Variants in ZSWIM4 observed in about 807,000 individuals in gnomAD.
The protein encoded by ZSWIM4 is zinc finger SWIM-type containing 4.
In ZSWIM4, 62 loss-of-function variants were observed where a neutral mutation model predicts 102.5. The ratio of observed to expected loss-of-function variants is 0.60; its 90% CI spans 0.49 to 0.75. The LOEUF (loss-of-function observed/expected upper bound fraction) is 0.75, where lower values mean the gene tolerates loss of function less well. Ranked by LOEUF, ZSWIM4 falls within the 30% of genes least tolerant of loss-of-function variation. ZSWIM4 has a pLI of 0.00. For missense variants in ZSWIM4, 1,280 were observed against 1,529.6 expected, an observed-to-expected ratio of 0.84 and a Z score of 2.72; for synonymous variants, 652 against 674.5, an observed-to-expected ratio of 0.97 and a Z score of 0.52.
chr19:13,828,313 G>A (rs1975665348), intron 12 of ZSWIM4, among the ~76,000 whole-genome samples: 1 of 152,132 alleles, frequency 6.6e-6, no homozygotes, highest in African/African-American at 2.4e-5. Context: ...GGAGCCTGAG[G>A]CAGGAGAATG....
rs12610873 is a variant in ZSWIM4, at chr19:13,831,773, G to C, written c.*723G>C. 6.6e-6 allele frequency: 1 copy of C among 152,208 alleles called. No individual in the cohort carries two copies. Among genetic ancestry groups the C allele is most frequent in the South Asian group, 2.1e-4 (1 of 4,816 alleles). The allele number at this position is 152,208 out of a possible 1,614,324, so 9.4% of individuals were successfully genotyped here. A position where few individuals can be genotyped will look rare whatever the true frequency, so the allele number is the denominator to read the frequency against. On this transcript the variant is annotated 3_prime_UTR_variant, in exon 14 of 14. Transcript: ENST00000590508. ...ACCTGGGGTTGGGGGACACAGACGC[G>C]AGAGAGCCGGAGACCCCCACCCCCG...
At position 13,809,338 on chromosome 19, in the gene ZSWIM4, T is replaced by A. The variant is rs145340167; in HGVS notation, c.1012+118T>A. ...CGCCCTCCATTCGTTTGGCAAACAT[T>A]TATGAGCGCCTCTAAAGTGCCAGGC... On this transcript the variant is annotated intron_variant, in intron 5 of 13. Coordinates refer to ENST00000590508, the MANE Select transcript of ZSWIM4 (RefSeq NM_001367834.3). This position sits in a 1 kb window ranked among gnomAD's most constrained non-coding sequence, Gnocchi z 4.2. The A allele has an allele frequency of 5.2e-3, 7,097 of 1,366,530 alleles. 29 individuals carry two copies. Among genetic ancestry groups the A allele is most frequent in the Middle Eastern group, 0.021 (79 of 3,794 alleles). 84.7% of individuals were successfully genotyped at this position (1,366,530 alleles called of 1,614,324 possible).
intron 7 of ZSWIM4, among the ~76,000 whole-genome samples, chr19:13,816,438 A>C (rs1211681383): frequency 6.6e-6 from 1 of 152,102 alleles, no homozygotes; most frequent in African/African-American, 2.4e-5. Context: ...AGCCTGGCCA[A>C]CATAGTGAAA....
At position 13,823,384 on chromosome 19, in the gene ZSWIM4, C is replaced by T. The variant is rs748366760; in HGVS notation, c.2099C>T (p.Pro700Leu). ...ILETAFPAGE[P>L]HPSPLDSIMS... is the part of the protein sequence containing the mutation. ...GAGACAGCATTTCCTGCTGGAGAAC[C>T]TCATCCCAGCCCGCTGGACTCCATC... The change falls in exon 11 of 14, where the codon CCT (proline) becomes CTT (leucine). Residue 700 changes from proline (P) to leucine (L), a missense_variant. Pro to Leu is a moderately conservative substitution (Grantham distance 98). Coordinates refer to ENST00000590508, the MANE Select transcript of ZSWIM4 (RefSeq NM_001367834.3). The T allele has an allele frequency of 5.0e-6, 8 of 1,613,924 alleles. No homozygotes were observed. The highest frequency in any genetic ancestry group is 1.3e-5 in the African/African-American group (1 of 74,930).
intron 7 of ZSWIM4, among the ~76,000 whole-genome samples, chr19:13,816,036 G>C (rs1408886644): frequency 1.3e-5 from 2 of 150,040 alleles, no homozygotes; most frequent in Non-Finnish European, 3.0e-5. Context: ...GAGAGAGATG[G>C]GGGGAGAGAG....
chr19:13,814,810 C>T lies in ZSWIM4; in HGVS notation c.1476C>T (p.Asn492=). ...QALRLASAII[N]TLRLQQRHQL... ...TGCGGCTGGCAAGTGCCATCATCAA[C>T]ACACTCCGGCTGCAGCAGCGGCATC... The change falls in exon 7 of 14, where the codon AAC becomes AAT. Residue 492 remains asparagine (N), a synonymous_variant. Transcript: ENST00000590508. 7.8e-7 allele frequency: 1 copy of T among 1,278,352 alleles called. No individual in the cohort carries two copies. The highest frequency in any genetic ancestry group is 1.5e-5 in the African/African-American group (1 of 65,734). 79.2% of individuals were successfully genotyped at this position (1,278,352 alleles called of 1,614,324 possible).
At chr19:13,810,735 G>A (rs1019736416) in intron 5 of ZSWIM4, among the ~76,000 whole-genome samples, 4 of 151,106 alleles carry the variant, frequency 2.6e-5, no homozygotes, top group Admixed American at 6.6e-5. Flanking sequence ...TCAGCCTCCC[G>A]AGTAGCTGGG....
intron 2 of ZSWIM4, among the ~76,000 whole-genome samples, chr19:13,804,398 A>T (rs1974855103): frequency 6.6e-6 from 1 of 151,534 alleles, no homozygotes; most frequent in Admixed American, 6.6e-5. Context: ...TGAACCTGGG[A>T]GGTGGAGGTT....
chr19:13,798,907 G>C (rs1314920161), intron 1 of ZSWIM4, among the ~76,000 whole-genome samples: 2 of 152,146 alleles, frequency 1.3e-5, no homozygotes, highest in African/African-American at 4.8e-5. Flanking sequence ...TCGCGCCTCA[G>C]CCTCCCAAGT....
intron 1 of ZSWIM4, among the ~76,000 whole-genome samples, chr19:13,799,369 G>C (rs1313715679): frequency 2.0e-5 from 3 of 149,720 alleles, no homozygotes; most frequent in Admixed American, 1.3e-4. Context: ...TGCCTTCCAG[G>C]TTCCAGCGAT....
At chr19:13,807,798 T>G (rs1031363868) in intron 3 of ZSWIM4, among the ~76,000 whole-genome samples, 12 of 131,274 alleles carry the variant, frequency 9.1e-5, no homozygotes, top group African/African-American at 3.6e-4. Flanking sequence ...TGGATGGGTG[T>G]ATGGGTGTAT....
rs776471224 is a variant in ZSWIM4, at chr19:13,830,709, C to T, written c.2980C>T (p.Pro994Ser). The T allele has an allele frequency of 6.2e-7, 1 of 1,607,926 alleles. No homozygotes were observed. Among genetic ancestry groups the T allele is most frequent in the Non-Finnish European group, 8.5e-7 (1 of 1,178,818 alleles). ...CATCATTCGCAGCATCCACTGTGCC[C>T]CAATGCTGTCCGATATTCTGCGCCG... is the stretch of plus-strand genomic sequence containing the variant. ...PLIIRSIHCA[P>S]MLSDILRRWT... Residue 994 changes from proline (P) to serine (S), a missense_variant, in exon 14 of 14, where the codon CCA (proline) becomes TCA (serine). Physicochemically the swap from Pro to Ser is moderately conservative, Grantham distance 74. Transcript: ENST00000590508.
Position 13,831,104 on chromosome 19 carries a change from C to G in ZSWIM4, c.*54C>G. The G allele has an allele frequency of 6.6e-7, 1 of 1,506,692 alleles. No individual in the cohort carries two copies. The highest frequency in any genetic ancestry group is 1.3e-5 in the South Asian group (1 of 75,632). 93.3% of individuals were successfully genotyped at this position (1,506,692 alleles called of 1,614,324 possible). ...TCCCCCTCGCCCCTGCGTCCCCCAC[C>G]CTTGCTCTCCAATTAGGCCCACGTG... On this transcript the variant is annotated 3_prime_UTR_variant, in exon 14 of 14. Transcript: ENST00000590508.
chr19:13,823,301 G>T (rs1391232212), intron 10 of ZSWIM4, 45 bp from the exon 11 acceptor site: 3 of 1,575,058 alleles, frequency 1.9e-6, no homozygotes, highest in Non-Finnish European at 2.6e-6. Flanking sequence ...AGAGAATGGG[G>T]ACAGCAGCCC....
At chr19:13,810,799 A>G (rs1385206778) in intron 5 of ZSWIM4, among the ~76,000 whole-genome samples, 4 of 146,882 alleles carry the variant, frequency 2.7e-5, no homozygotes, top group Non-Finnish European at 6.0e-5. Flanking sequence ...TTTAGTAGCA[A>G]CGGGGTTTCA....
intron 10 of ZSWIM4, among the ~76,000 whole-genome samples, chr19:13,822,163 T>TACACACACACACACAC (rs59602194): frequency 7.0e-6 from 1 of 142,186 alleles, no homozygotes; most frequent in Non-Finnish European, 1.5e-5. Flanking sequence ...CACACACACA[T>TACACACACACACACAC]ACACACACAC....
intron 13 of ZSWIM4, among the ~76,000 whole-genome samples, chr19:13,829,250 C>T (rs959461360): frequency 1.3e-5 from 2 of 152,054 alleles, no homozygotes; most frequent in African/African-American, 4.8e-5. Flanking sequence ...CACTGCACTC[C>T]AGCCTGAGTG....
Position 13,808,885 on chromosome 19 carries a change from G to C in ZSWIM4, c.762G>C (p.Trp254Cys). Reference protein sequence around the residue: ...AGAGIEDANCWHLDEEQIQEQ... With the variant: ...AGAGIEDANCCHLDEEQIQEQ... Reference sequence around the variant, plus strand: ...CAGGAATCGAGGACGCCAACTGCTGGCACCTGGACGAGGAGCAGATCCAGG... The same window carrying C: ...CAGGAATCGAGGACGCCAACTGCTGCCACCTGGACGAGGAGCAGATCCAGG... The change falls in exon 4 of 14, where the codon TGG (tryptophan) becomes TGC (cysteine). Residue 254 changes from tryptophan (W) to cysteine (C), a missense_variant. Coordinates refer to ENST00000590508, the MANE Select transcript of ZSWIM4 (RefSeq NM_001367834.3). 1.9e-6 allele frequency: 3 copies of C among 1,612,324 alleles called. No individual in the cohort carries two copies. The highest frequency in any genetic ancestry group is 2.5e-6 in the Non-Finnish European group (3 of 1,179,342).
At chr19:13,798,364 T>A (rs1220462666) in intron 1 of ZSWIM4, among the ~76,000 whole-genome samples, 1 of 152,044 alleles carries the variant, frequency 6.6e-6, no homozygotes, top group East Asian at 1.9e-4. Flanking sequence ...CTCACGCTGG[T>A]CTGGAACGCC....
Sources: allele counts gnomAD v4.1 joint callset (sites outside exome capture counted in the v4.1 genomes callset), GRCh38; gene constraint gnomAD v4.1.1; non-coding constraint Gnocchi (gnomAD v3.1); transcripts MANE v1.5; gene names NCBI Gene and HGNC (gene_info 2026-07-23, HGNC 2026-07-21).